GCFC2: variants seen among roughly 807,000 people sequenced by gnomAD.
GCFC2 encodes the protein GC-rich sequence DNA-binding factor 2.
GCFC2 carries 102 observed loss-of-function variants against 99.4 expected under a neutral mutation model. The ratio of observed to expected loss-of-function variants is 1.03; its 90% CI spans 0.87 to 1.21. The LOEUF (loss-of-function observed/expected upper bound fraction) is 1.21. GCFC2 is among the 50% of genes most tolerant of loss of function. The probability of loss-of-function intolerance (pLI) is 0.00; values close to 1 mark genes in which losing one functional copy is unlikely to be tolerated. For missense variants in GCFC2, 973 were observed against 920.9 expected (o/e 1.06, Z -0.73); for synonymous variants, 338 against 316.8 (o/e 1.07, Z -0.71).
chr2:75,665,682 T>C (rs1341957540), intron 16 of GCFC2, among the ~76,000 whole-genome samples: 2 of 152,232 alleles, frequency 1.3e-5, no homozygotes, highest in African/African-American at 2.4e-5. Context: ...TTTTGATTTA[T>C]AGTTTTAATT....
chr2:75,709,892 A>G (rs1681059343), intron 1 of GCFC2, among the ~76,000 whole-genome samples: 1 of 152,236 alleles, frequency 6.6e-6, no homozygotes, highest in Non-Finnish European at 1.5e-5. Flanking sequence ...AAGACTAACC[A>G]AAAACCGTAT....
rs574642746 is a variant in GCFC2 at position 75,682,634 on chromosome 2, T to C, written c.1691-2320A>G. On this transcript the variant is annotated intron_variant, in intron 11 of 16. Transcript: ENST00000321027. ...GAAGTAGGCTTCAGAAGGTGGGTAA[T>C]AACAAACTCCTCTGAGCTAAAGGAG... Among the ~76,000 whole-genome samples, 24 of 151,744 alleles carry C rather than the reference T, an allele frequency of 1.6e-4. 1 individual carries two copies. Among genetic ancestry groups the C allele is most frequent in the Admixed American group, 3.9e-4 (6 of 15,278 alleles).
intron 8 of GCFC2, 92 bp from the exon 9 acceptor site, chr2:75,690,173 T>C (rs912235719): frequency 1.8e-4 from 126 of 703,754 alleles, no homozygotes; most frequent in Non-Finnish European, 3.8e-5. Flanking sequence ...TTGCTGAAAA[T>C]AAGTAATTTT....
chr2:75,694,055 T>C (rs1680199813), intron 6 of GCFC2, among the ~76,000 whole-genome samples, 186 bp downstream of exon 6: 1 of 152,014 alleles, frequency 6.6e-6, no homozygotes, highest in Non-Finnish European at 1.5e-5. Flanking sequence ...CAATGTTACT[T>C]ACAATAATAA....
chr2:75,704,162 T>A (rs1248763546), intron 2 of GCFC2, among the ~76,000 whole-genome samples: 1 of 152,210 alleles, frequency 6.6e-6, no homozygotes, highest in African/African-American at 2.4e-5. Context: ...AATAAATACA[T>A]CATGTTTTTA....
At chr2:75,697,744 G>A (rs1234587022) in intron 4 of GCFC2, 1 of 152,102 alleles carries the variant, frequency 6.6e-6, no homozygotes, top group Non-Finnish European at 1.5e-5. Flanking sequence ...ATCCCGATGG[G>A]GTCTGAATAC....
chr2:75,702,012 C>T, intron 3 of GCFC2, 187 bp downstream of exon 3: 2 of 1,397,664 alleles, frequency 1.4e-6, no homozygotes, highest in South Asian at 1.7e-5. Flanking sequence ...TACACATACT[C>T]CTTGATAATA....
chr2:75,702,289 C>A lies in GCFC2; in HGVS notation c.529G>T (p.Asp177Tyr). Reference sequence around the variant, plus strand: ...TGGTCATCAGGCTCACTCTCAGGGTCATCTTCGCTCTCTCTCTTCATACCA... The same window carrying A: ...TGGTCATCAGGCTCACTCTCAGGGTAATCTTCGCTCTCTCTCTTCATACCA... ...ISGMKRESED[D>Y]PESEPDDHEK... Residue 177 changes from aspartate (D) to tyrosine (Y), a missense_variant, in exon 3 of 17, where the codon GAC becomes TAC. Physicochemically the swap from Asp to Tyr is radical, Grantham distance 160. Coordinates refer to ENST00000321027, the MANE Select transcript of GCFC2 (RefSeq NM_003203.5). The A allele has an allele frequency of 6.2e-7, 1 of 1,613,722 alleles. No homozygotes were observed. The highest frequency in any genetic ancestry group is 1.7e-5 in the Admixed American group (1 of 60,020).
intron 12 of GCFC2, among the ~76,000 whole-genome samples, chr2:75,677,214 T>C (rs572739893): frequency 6.6e-6 from 1 of 152,364 alleles, no homozygotes; most frequent in South Asian, 2.1e-4. Flanking sequence ...TAATTTACTT[T>C]AGATTTTTAG....
rs56728731 is a variant in GCFC2, at chr2:75,690,172, A to G, written c.1227-91T>C. The G allele has an allele frequency of 1.6e-3, 1,147 of 712,204 alleles. 8 individuals carry two copies. The African/African-American group carries it at 0.018, about 11-fold the overall frequency. The allele number at this position is 712,204 out of a possible 1,614,324, so 44.1% of individuals were successfully genotyped here. On this transcript the variant is annotated intron_variant, in intron 8 of 16. Coordinates refer to ENST00000321027, the MANE Select transcript of GCFC2 (RefSeq NM_003203.5). ...AATTTTTTTTAACCTCTTGCTGAAA[A>G]TAAGTAATTTTATCATTTATTTTAA...
chr2:75,708,842 C>CT (rs1372358194), intron 1 of GCFC2, among the ~76,000 whole-genome samples: 1 of 152,076 alleles, frequency 6.6e-6, no homozygotes, highest in African/African-American at 2.4e-5. Context: ...TAGTTTATTA[C>CT]TTGTTGAGCT....
intron 4 of GCFC2, 128 bp downstream of exon 4, chr2:75,701,062 C>A (rs1289410603): frequency 1.6e-6 from 1 of 619,266 alleles, no homozygotes. Flanking sequence ...GCTGCCAATA[C>A]CTTGACTTCA....
At chr2:75,690,405 A>G (rs1680013858) in intron 8 of GCFC2, 1 of 514,436 alleles carries the variant, frequency 1.9e-6, no homozygotes, top group South Asian at 2.6e-5. Flanking sequence ...GTTACAAGGA[A>G]TTCCCAGCCT....
At position 75,683,403 on chromosome 2, in the gene GCFC2, T is replaced by C. The variant is rs188513800; in HGVS notation, c.1691-3089A>G. ...ACAGACAAGCAAATGCTGAGAGATT[T>C]TGTCACCACCAGGCCTGCCTTACAA... On this transcript the variant is annotated intron_variant, in intron 11 of 16. Transcript: ENST00000321027. Among the ~76,000 whole-genome samples the C allele has an allele frequency of 7.3e-4, 111 of 151,894 alleles. 4 individuals are homozygous for C. The highest frequency in any genetic ancestry group is 2.6e-3 in the African/African-American group (108 of 41,184).
At chr2:75,670,902 T>G (rs776709980) in intron 14 of GCFC2, 2 of 152,254 alleles carry the variant, frequency 1.3e-5, no homozygotes, top group African/African-American at 2.4e-5. Flanking sequence ...TACTAAAATG[T>G]AATGCTTTTT....
At position 75,682,212 on chromosome 2, in the gene GCFC2, C is replaced by T. The variant is rs139195401; in HGVS notation, c.1691-1898G>A. ...GAGGAGAGCTCTGCCTGGCATCTGG[C>T]GGATGACCCTCTGAGACGAAGCTTC... On this transcript the variant is annotated intron_variant, in intron 11 of 16. Coordinates refer to ENST00000321027, the MANE Select transcript of GCFC2 (RefSeq NM_003203.5). Among the ~76,000 whole-genome samples, 11 of 151,906 alleles carry T rather than the reference C, an allele frequency of 7.2e-5. 1 individual carries two copies. Among genetic ancestry groups the T allele is most frequent in the African/African-American group, 1.7e-4 (7 of 41,240 alleles).
intron 11 of GCFC2, among the ~76,000 whole-genome samples, chr2:75,684,982 C>G (rs187983155): frequency 3.9e-4 from 59 of 152,238 alleles, no homozygotes; most frequent in Non-Finnish European, 7.6e-4. Flanking sequence ...AAACACTGCA[C>G]GTTCTCACTC....
Position 75,690,874 on chromosome 2 carries a change from T to C in GCFC2, c.1145-155A>G, listed in dbSNP as rs1680037301. ...TTGCAATTAATTATGCAATGACATT[T>C]CAATGTTAACTCTTTATTGCAATAT... On this transcript the variant is annotated intron_variant, in intron 7 of 16. Transcript: ENST00000321027. The C allele has an allele frequency of 5.5e-6, 3 of 540,778 alleles. No individual in the cohort carries two copies. The South Asian group carries it at 7.1e-5, about 13-fold the overall frequency. The allele number at this position is 540,778 out of a possible 1,614,324, so 33.5% of individuals were successfully genotyped here. A position where few individuals can be genotyped will look rare whatever the true frequency, so the allele number is the denominator to read the frequency against.
chr2:75,668,381 T>C lies in GCFC2; in HGVS notation c.2103+1757A>G, dbSNP rs148065575. Among the ~76,000 whole-genome samples the C allele has an allele frequency of 9.1e-4, 137 of 151,254 alleles. 1 individual carries two copies. The highest frequency in any genetic ancestry group is 3.4e-3 in the Middle Eastern group (1 of 292). ...AAACAAAACAAAACAAAAAACCAAA[T>C]TGTAACTTTCAGTTGGTCTGGTGAG... On this transcript the variant is annotated intron_variant, in intron 15 of 16. Transcript: ENST00000321027.
Sources: allele counts gnomAD v4.1 joint callset (sites outside exome capture counted in the v4.1 genomes callset), GRCh38; gene constraint gnomAD v4.1.1; transcripts MANE v1.5; gene names NCBI Gene and HGNC (gene_info 2026-07-23, HGNC 2026-07-21).